Variants in CSMD1 observed in about 807,000 individuals in gnomAD.
CSMD1 encodes the protein CUB and sushi domain-containing protein 1.
A neutral mutation model predicts 417.5 loss-of-function variants in CSMD1; 213 were observed. That is an observed-to-expected ratio of 0.51 (90% confidence interval 0.46 to 0.57). The LOEUF (loss-of-function observed/expected upper bound fraction) is 0.57, where lower values mean the gene tolerates loss of function less well. CSMD1 is among the 20% of genes least tolerant of loss of function. The pLI, the probability that CSMD1 is intolerant of heterozygous loss-of-function variation, is 0.00. For synonymous variants in CSMD1, 2,862 were observed against 1,736.8 expected (o/e 1.65, Z -16.11); for missense variants, 6,923 against 4,529.7 (o/e 1.53, Z -15.17).
intron 1 of CSMD1, among the ~76,000 whole-genome samples, chr8:4,865,016 A>C (rs906422109): frequency 1.3e-5 from 2 of 151,386 alleles, no homozygotes; most frequent in East Asian, 1.9e-4. Context: ...TAAATTTTAA[A>C]ATTTTATTTT....
intron 3 of CSMD1, among the ~76,000 whole-genome samples, chr8:4,416,025 A>T (rs1039265126): frequency 4.6e-5 from 7 of 152,192 alleles, no homozygotes; most frequent in Non-Finnish European, 8.8e-5. Flanking sequence ...AGATCACCTT[A>T]TTTCACTTAG....
At chr8:4,236,798 C>A (rs955881231) in intron 3 of CSMD1, among the ~76,000 whole-genome samples, 15 of 152,164 alleles carry the variant, frequency 9.9e-5, no homozygotes, top group African/African-American at 3.6e-4. Context: ...TAAATAGTAG[C>A]CCAAATTATT....
chr8:2,987,719 G>C (rs918590138), intron 54 of CSMD1, among the ~76,000 whole-genome samples: 1 of 152,202 alleles, frequency 6.6e-6, no homozygotes, highest in Non-Finnish European at 1.5e-5. Context: ...GTTCATCACC[G>C]TTTCCCTCTG....
chr8:4,279,569 G>C (rs1370783535), intron 3 of CSMD1, among the ~76,000 whole-genome samples: 2 of 152,136 alleles, frequency 1.3e-5, no homozygotes, highest in African/African-American at 4.8e-5. Context: ...CACTGATTCT[G>C]CAGACACGGT....
rs1022698960 is a variant in CSMD1, at chr8:3,499,037, T to G, written c.1345-5311A>C. 1.4e-4 allele frequency among the ~76,000 whole-genome samples: 22 copies of G among 152,256 alleles called. No homozygotes were observed. In the East Asian group the frequency reaches 4.2e-3, roughly 29 times the overall value. On this transcript the variant is annotated intron_variant, in intron 10 of 69. Transcript: ENST00000635120. ...GGAATTAGAAAATGATTTTGTTCCCTTGGGGGTGTCATGTTTCTTGCTTTT... is the reference window on the plus strand; with the variant it reads ...GGAATTAGAAAATGATTTTGTTCCCGTGGGGGTGTCATGTTTCTTGCTTTT...
chr8:3,496,360 G>C (rs762074017), intron 10 of CSMD1, among the ~76,000 whole-genome samples: 1 of 152,088 alleles, frequency 6.6e-6, no homozygotes, highest in Non-Finnish European at 1.5e-5. Context: ...AAGGATTGAG[G>C]GCAGACACCA....
chr8:3,021,600 A>G (rs72507668), intron 51 of CSMD1, among the ~76,000 whole-genome samples: 2,337 of 152,354 alleles, frequency 0.015, 20 homozygotes, highest in East Asian at 0.037. Flanking sequence ...TCTTTGCACA[A>G]AAAAGACACT....
At position 4,366,375 on chromosome 8, in the gene CSMD1, G is replaced by C. The variant is rs34697055; in HGVS notation, c.415+53578C>G. 7.0e-3 allele frequency among the ~76,000 whole-genome samples: 1,067 copies of C among 152,178 alleles called. 3 individuals carry two copies. The highest frequency in any genetic ancestry group is 0.011 in the Admixed American group (165 of 15,284). On this transcript the variant is annotated intron_variant, in intron 3 of 69. Transcript: ENST00000635120. The stretch of plus-strand genomic sequence containing the variant: ...TTCCACGTGTTTACCATTGAGAATA[G>C]CACTGCAATGAACATATGCATGCAC...
chr8:3,425,616 A>G (rs1813790547), intron 12 of CSMD1, among the ~76,000 whole-genome samples: 1 of 151,546 alleles, frequency 6.6e-6, no homozygotes, highest in Admixed American at 6.6e-5. Flanking sequence ...AAGAAAGAAA[A>G]AAGGAAAAAA....
intron 10 of CSMD1, among the ~76,000 whole-genome samples, chr8:3,566,933 C>A (rs185272462): frequency 6.6e-6 from 1 of 152,184 alleles, no homozygotes; most frequent in Admixed American, 6.5e-5. Flanking sequence ...GGGTACATAC[C>A]CAAAAGAATA....
chr8:4,050,995 C>T (rs1457893373), intron 3 of CSMD1, among the ~76,000 whole-genome samples: 3 of 152,002 alleles, frequency 2.0e-5, no homozygotes, highest in African/African-American at 7.2e-5. Context: ...GTGACATGCC[C>T]TACTTTTAAG....
chr8:4,970,623 G>C (rs1444726060), intron 1 of CSMD1, among the ~76,000 whole-genome samples: 1 of 151,924 alleles, frequency 6.6e-6, no homozygotes, highest in Non-Finnish European at 1.5e-5. Context: ...ACAATGATAG[G>C]AAGCTTGTGT....
intron 5 of CSMD1, among the ~76,000 whole-genome samples, chr8:3,911,348 G>A (rs536749850): frequency 6.7e-6 from 1 of 150,030 alleles, no homozygotes; most frequent in East Asian, 2.0e-4. Flanking sequence ...CTAACACACT[G>A]AAACCCCATC....
At chr8:3,103,500 T>A (rs1225176023) in intron 46 of CSMD1, among the ~76,000 whole-genome samples, 1 of 151,884 alleles carries the variant, frequency 6.6e-6, no homozygotes, top group East Asian at 1.9e-4. Flanking sequence ...ACATCTGAAC[T>A]CATCTCAACA....
At chr8:4,442,039 G>C (rs957271117) in intron 2 of CSMD1, among the ~76,000 whole-genome samples, 7 of 152,064 alleles carry the variant, frequency 4.6e-5, no homozygotes, top group African/African-American at 1.4e-4. Flanking sequence ...TTTTCTAAGA[G>C]GTCTGGAAAC....
chr8:4,173,223 C>A (rs1180356841), intron 3 of CSMD1, among the ~76,000 whole-genome samples: 1 of 152,104 alleles, frequency 6.6e-6, no homozygotes, highest in South Asian at 2.1e-4. Context: ...ACCAATAACT[C>A]TTTAATGCAA....
intron 2 of CSMD1, among the ~76,000 whole-genome samples, chr8:4,636,636 G>C (rs1216428408): frequency 6.6e-6 from 1 of 152,124 alleles, no homozygotes; most frequent in Non-Finnish European, 1.5e-5. Context: ...AAATTACCTT[G>C]ACAACTCTGT....
At chr8:3,958,129 G>A (rs866585106) in intron 5 of CSMD1, among the ~76,000 whole-genome samples, 1 of 152,092 alleles carries the variant, frequency 6.6e-6, no homozygotes, top group African/African-American at 2.4e-5. Flanking sequence ...TAATGAAGCT[G>A]CCAAAGTCTT....
intron 49 of CSMD1, among the ~76,000 whole-genome samples, chr8:3,052,971 A>G (rs763851780): frequency 9.9e-5 from 15 of 151,936 alleles, no homozygotes; most frequent in Non-Finnish European, 1.9e-4. Flanking sequence ...TATTTTTAGT[A>G]CAGACTATTT....
Sources: allele counts gnomAD v4.1 joint callset (sites outside exome capture counted in the v4.1 genomes callset), GRCh38; gene constraint gnomAD v4.1.1; transcripts MANE v1.5; gene names NCBI Gene and HGNC (gene_info 2026-07-23, HGNC 2026-07-21).